PDPK1: variants seen among roughly 807,000 people sequenced by gnomAD.
The protein encoded by PDPK1 is 3-phosphoinositide-dependent protein kinase 1.
PDPK1 carries 7 observed loss-of-function variants against 39.8 expected under a neutral mutation model. The observed-to-expected ratio is 0.18, with a 90% confidence interval of 0.10 to 0.33. PDPK1 has a LOEUF of 0.33. Ranked by LOEUF, PDPK1 falls within the 10% of genes least tolerant of loss-of-function variation. The pLI, the probability that PDPK1 is intolerant of heterozygous loss-of-function variation, is 1.00. For synonymous variants in PDPK1, 118 were observed against 159.1 expected, an observed-to-expected ratio of 0.74 and a Z score of 1.95; for missense variants, 182 against 384.7, an observed-to-expected ratio of 0.47 and a Z score of 4.41.
intron 1 of PDPK1, among the ~76,000 whole-genome samples, chr16:2,542,568 A>G (rs1318047183): frequency 1.1e-3 from 170 of 148,724 alleles, no homozygotes; most frequent in African/African-American, 4.2e-3. Flanking sequence ...TTAGCAGCTC[A>G]CTGTTGAGCA....
chr16:2,558,649 G>A (rs2066549576), intron 2 of PDPK1, among the ~76,000 whole-genome samples: 1 of 148,726 alleles, frequency 6.7e-6, no homozygotes, highest in South Asian at 2.1e-4. Flanking sequence ...ATTTAGTGAA[G>A]GTTGTAACAG....
In PDPK1 at chr16:2,600,911, C is replaced by T. The variant is rs1051984762; in HGVS notation, c.*3144C>T. 1 of 219,906 alleles carries T rather than the reference C, an allele frequency of 4.5e-6. No individual in the cohort carries two copies. Among genetic ancestry groups the T allele is most frequent in the Admixed American group, 6.0e-5 (1 of 16,684 alleles). 13.6% of individuals were successfully genotyped at this position (219,906 alleles called of 1,614,324 possible). ...CGACACACACCGTTTGCATCGTCTT[C>T]TCCCTTGATATTTTAAGCATTTTCC... is the stretch of plus-strand genomic sequence containing the variant. On this transcript the variant is annotated 3_prime_UTR_variant, in exon 14 of 14. Coordinates refer to ENST00000342085, the MANE Select transcript of PDPK1 (RefSeq NM_002613.5).
chr16:2,545,686 C>T (rs1163906970), intron 1 of PDPK1, among the ~76,000 whole-genome samples: 2 of 152,236 alleles, frequency 1.3e-5, no homozygotes, highest in South Asian at 2.1e-4. Context: ...GTAGAGACGG[C>T]GTTTTACCAT....
chr16:2,546,205 T>C (rs993195810), intron 1 of PDPK1, among the ~76,000 whole-genome samples: 73 of 151,708 alleles, frequency 4.8e-4, no homozygotes, highest in African/African-American at 1.7e-3. Flanking sequence ...TGCCTCAGCC[T>C]CCTGAGTAGC....
intron 7 of PDPK1, among the ~76,000 whole-genome samples, chr16:2,577,809 G>C (rs2066744931): frequency 6.7e-6 from 1 of 149,294 alleles, no homozygotes; most frequent in Admixed American, 6.7e-5. Context: ...CACCATCTCT[G>C]CTCGCTGCAA....
chr16:2,584,701 A>G (rs1469614008), intron 10 of PDPK1, among the ~76,000 whole-genome samples: 6 of 151,290 alleles, frequency 4.0e-5, no homozygotes, highest in Non-Finnish European at 5.9e-5. Context: ...AGTCATCCAC[A>G]GCTAAATTTC....
intron 10 of PDPK1, among the ~76,000 whole-genome samples, chr16:2,585,707 C>T (rs143655859): frequency 5.1e-4 from 77 of 152,294 alleles, no homozygotes; most frequent in African/African-American, 1.8e-3. Flanking sequence ...CCACCATGCC[C>T]GTTGGCGAGC....
chr16:2,538,179 T>TG, intron 1 of PDPK1, 43 bp downstream of exon 1: 1 of 1,025,494 alleles, frequency 9.8e-7, no homozygotes, highest in South Asian at 4.5e-5. Flanking sequence ...TTTGTTACCC[T>TG]GCCGGGTCCG....
In PDPK1 at chr16:2,538,100, C is replaced by G. The variant is rs2066170124; in HGVS notation, c.-13C>G. ...AGCGCTGCGGGGGAGGCGCCCGCGC[C>G]GACGCGGGGCCCATGGCCAGGACCA... On this transcript the variant is annotated 5_prime_UTR_variant, in exon 1 of 14. Coordinates refer to ENST00000342085, the MANE Select transcript of PDPK1 (RefSeq NM_002613.5). The G allele has an allele frequency of 2.8e-6, 3 of 1,059,884 alleles. No individual in the cohort carries two copies. Among genetic ancestry groups the G allele is most frequent in the African/African-American group, 3.4e-5 (2 of 58,354 alleles). The allele number at this position is 1,059,884 out of a possible 1,614,324, so 65.7% of individuals were successfully genotyped here. A position where few individuals can be genotyped will look rare whatever the true frequency, so the allele number is the denominator to read the frequency against.
At position 2,586,880 on chromosome 16, in the gene PDPK1, G is replaced by T; in HGVS notation, c.1330G>T (p.Gly444Cys). The T allele has an allele frequency of 6.2e-7, 1 of 1,614,170 alleles. No individual in the cohort carries two copies. Among genetic ancestry groups the T allele is most frequent in the Non-Finnish European group, 8.5e-7 (1 of 1,179,970 alleles). The change falls in exon 11 of 14, where the codon GGC (glycine) becomes TGC (cysteine). Residue 444 changes from glycine (G) to cysteine (C), a missense_variant. Gly to Cys is a radical substitution (Grantham distance 159). Around this residue, in one of 5 missense-constraint regions of PDPK1, gnomAD observed 90 missense variants for 111.9 expected, o/e 0.80. Transcript: ENST00000342085. ...GAGGTTGTTGTTGGAGAAGCAGGCT[G>T]GCGGAAACCCTTGGTAAGAACTTAT... ...EKRLLLEKQA[G>C]GNPWHQFVEN... is the part of the protein sequence containing the mutation.
chr16:2,589,178 A>T (rs1409970519), intron 11 of PDPK1, among the ~76,000 whole-genome samples: 1 of 151,518 alleles, frequency 6.6e-6, no homozygotes, highest in Non-Finnish European at 1.5e-5. Flanking sequence ...CTGGTTTCGA[A>T]CTCCTGACCT....
chr16:2,543,798 C>G (rs964250093), intron 1 of PDPK1, among the ~76,000 whole-genome samples: 5 of 152,094 alleles, frequency 3.3e-5, no homozygotes, highest in Non-Finnish European at 5.9e-5. Context: ...CTCGGCTCAC[C>G]GCAACCTCCG....
chr16:2,597,535 G>C lies in PDPK1; in HGVS notation c.1555-116G>C, dbSNP rs561415422. On this transcript the variant is annotated intron_variant, in intron 13 of 13. Coordinates refer to ENST00000342085, the MANE Select transcript of PDPK1 (RefSeq NM_002613.5). The surrounding 1 kb of genome is among the most constrained non-coding windows in gnomAD (Gnocchi z 6.3). ...TTGCTTACTGCTTGTGTGAATAACC[G>C]TCACACCCACGTGCTTTCAGGACTC... The C allele has an allele frequency of 4.3e-5, 34 of 796,952 alleles. No individual in the cohort carries two copies. Among genetic ancestry groups the C allele is most frequent in the South Asian group, 4.2e-4 (28 of 67,218 alleles). The allele number at this position is 796,952 out of a possible 1,614,324, so 49.4% of individuals were successfully genotyped here. A position where few individuals can be genotyped will look rare whatever the true frequency, so the allele number is the denominator to read the frequency against.
intron 1 of PDPK1, among the ~76,000 whole-genome samples, chr16:2,540,280 G>A (rs1567141505): frequency 1.3e-5 from 2 of 152,238 alleles, no homozygotes; most frequent in Non-Finnish European, 2.9e-5. Context: ...AAGGCAGACA[G>A]TGGCCTGGCC....
intron 11 of PDPK1, among the ~76,000 whole-genome samples, chr16:2,587,591 C>T (rs1333125607): frequency 6.6e-6 from 1 of 152,164 alleles, no homozygotes; most frequent in African/African-American, 2.4e-5. Context: ...TCACTGCAAC[C>T]TCTGCCTCCT....
In PDPK1 at chr16:2,599,583, C is replaced by T. The variant is rs1028172604; in HGVS notation, c.*1816C>T. 8.6e-6 allele frequency: 2 copies of T among 232,592 alleles called. No homozygotes were observed. Among genetic ancestry groups the T allele is most frequent in the African/African-American group, 4.4e-5 (2 of 45,238 alleles). The allele number at this position is 232,592 out of a possible 1,614,324, so 14.4% of individuals were successfully genotyped here. A position where few individuals can be genotyped will look rare whatever the true frequency, so the allele number is the denominator to read the frequency against. On this transcript the variant is annotated 3_prime_UTR_variant, in exon 14 of 14. Coordinates refer to ENST00000342085, the MANE Select transcript of PDPK1 (RefSeq NM_002613.5). ...CCCCAGGGAGCAGGACGCTCCGGGGCCCAGCACGTTGCCCTGGGCCTGTGG... is the reference window on the plus strand; with the variant it reads ...CCCCAGGGAGCAGGACGCTCCGGGGTCCAGCACGTTGCCCTGGGCCTGTGG...
At chr16:2,588,163 G>A (rs1283312237) in intron 11 of PDPK1, among the ~76,000 whole-genome samples, 4 of 152,208 alleles carry the variant, frequency 2.6e-5, no homozygotes, top group South Asian at 2.1e-4. Flanking sequence ...TATGCGGTTC[G>A]CCACACCTGT....
rs1424362277 is a variant in PDPK1, at chr16:2,541,660, GT to G, written c.24+3527del. 1.1e-4 allele frequency among the ~76,000 whole-genome samples: 17 copies of G among 152,324 alleles called. No homozygotes were observed. The East Asian group carries it at 3.3e-3, about 29-fold the overall frequency. ...GGCCACTGGGCTGCCCAGCACAGTT[GT>G]TTAGAAAGCAGGTTCAAAGGGCAGT... On this transcript the variant is annotated intron_variant, in intron 1 of 13. Coordinates refer to ENST00000342085, the MANE Select transcript of PDPK1 (RefSeq NM_002613.5).
intron 1 of PDPK1, chr16:2,539,064 C>T (rs2141929333): frequency 5.3e-6 from 1 of 189,084 alleles, no homozygotes; most frequent in Non-Finnish European, 1.1e-5. Flanking sequence ...GATCCCGTGT[C>T]TTCCAGGATG....
Sources: allele counts gnomAD v4.1 joint callset (sites outside exome capture counted in the v4.1 genomes callset), GRCh38; gene constraint gnomAD v4.1.1; regional missense constraint gnomAD v4.1.1; non-coding constraint Gnocchi (gnomAD v3.1); transcripts MANE v1.5; gene names NCBI Gene and HGNC (gene_info 2026-07-23, HGNC 2026-07-21).